Variants in RASA1 observed in about 807,000 individuals in gnomAD.
RASA1 encodes ras GTPase-activating protein 1.
In RASA1, 25 loss-of-function variants were observed where a neutral mutation model predicts 132.2. The observed-to-expected ratio is 0.19, with a 90% CI of 0.14 to 0.26. The LOEUF (loss-of-function observed/expected upper bound fraction) is 0.26. Ranked by LOEUF, RASA1 falls within the 10% of genes least tolerant of loss-of-function variation. The pLI is 1.00. For synonymous variants in RASA1, 477 were observed against 449.9 expected, an observed-to-expected ratio of 1.06 and a Z score of -0.76; for missense variants, 964 against 1,299.2, an observed-to-expected ratio of 0.74 and a Z score of 3.97.
intron 6 of RASA1, among the ~76,000 whole-genome samples, chr5:87,345,135 C>A (rs1352838976): frequency 6.6e-6 from 1 of 152,066 alleles, no homozygotes; most frequent in African/African-American, 2.4e-5. Context: ...CCAGTTCCCA[C>A]GCCTGGCCTA....
At chr5:87,286,926 C>T (rs1754597964) in intron 1 of RASA1, among the ~76,000 whole-genome samples, 1 of 148,464 alleles carries the variant, frequency 6.7e-6, no homozygotes, top group Non-Finnish European at 1.5e-5. Context: ...CATATATATA[C>T]ATACCATATA....
At position 87,338,536 on chromosome 5, in the gene RASA1, A is replaced by ATATATATATATTTT; in HGVS notation, c.1017+446_1017+447insATATATATATTTTT. Among the ~76,000 whole-genome samples the ATATATATATATTTT allele has an allele frequency of 6.8e-4, 58 of 85,192 alleles. 2 individuals are homozygous for ATATATATATATTTT. The highest frequency in any genetic ancestry group is 2.5e-3 in the East Asian group (5 of 2,024). 55.9% of individuals were successfully genotyped at this position (85,192 alleles called of 152,430 possible). A position where few individuals can be genotyped will look rare whatever the true frequency, so the allele number is the denominator to read the frequency against. On this transcript the variant is annotated intron_variant, in intron 5 of 24. Coordinates refer to ENST00000274376, the MANE Select transcript of RASA1 (RefSeq NM_002890.3). ...ATATATATATATATATATATATAAA[A>ATATATATATATTTT]TTTTTTTTTTTTTTAAGTAGAAATG...
chr5:87,388,141 A>G (rs1434454303), intron 23 of RASA1, among the ~76,000 whole-genome samples: 1 of 152,180 alleles, frequency 6.6e-6, no homozygotes, highest in Non-Finnish European at 1.5e-5. Flanking sequence ...TGTTGCTATG[A>G]TTACTTTATT....
chr5:87,335,755 G>T (rs1228538229), intron 4 of RASA1, among the ~76,000 whole-genome samples: 1 of 152,116 alleles, frequency 6.6e-6, no homozygotes, highest in Non-Finnish European at 1.5e-5. Flanking sequence ...AGTGTATAAT[G>T]TGTTAACAAC....
intron 23 of RASA1, among the ~76,000 whole-genome samples, chr5:87,387,226 T>C (rs1047500223): frequency 2.0e-5 from 3 of 152,068 alleles, no homozygotes; most frequent in Admixed American, 6.6e-5. Flanking sequence ...GTTGCCTCCT[T>C]AGCTTTTTTA....
chr5:87,351,546 C>T (rs954915622), intron 8 of RASA1, among the ~76,000 whole-genome samples: 30 of 151,674 alleles, frequency 2.0e-4, no homozygotes, highest in African/African-American at 7.3e-4. Flanking sequence ...AAATACAGAA[C>T]ACAGTGTCTC....
intron 1 of RASA1, among the ~76,000 whole-genome samples, chr5:87,310,691 ATG>A (rs989356941): frequency 4.6e-5 from 7 of 152,178 alleles, no homozygotes; most frequent in Non-Finnish European, 8.8e-5. Context: ...GTTCCAAACC[ATG>A]GGGTTCCCTG....
intron 1 of RASA1, among the ~76,000 whole-genome samples, chr5:87,327,036 T>C (rs1316553377): frequency 3.3e-5 from 5 of 152,232 alleles, no homozygotes; most frequent in African/African-American, 1.2e-4. Flanking sequence ...CAGTCCCATA[T>C]CCTTTGAGTA....
intron 1 of RASA1, among the ~76,000 whole-genome samples, chr5:87,324,822 A>C (rs181707938): frequency 6.6e-6 from 1 of 152,210 alleles, no homozygotes; most frequent in African/African-American, 2.4e-5. Flanking sequence ...GTTCAAGTGA[A>C]TTTACCAGTG....
intron 9 of RASA1, among the ~76,000 whole-genome samples, chr5:87,361,335 G>C (rs1760077181): frequency 6.6e-6 from 1 of 152,108 alleles, no homozygotes; most frequent in Admixed American, 6.6e-5. Context: ...TAATTTTGTA[G>C]CATTAACTTG....
At chr5:87,332,469 A>C (rs1757672067) in intron 2 of RASA1, 38 bp from the exon 3 acceptor site, 2 of 1,568,182 alleles carry the variant, frequency 1.3e-6, no homozygotes, top group Admixed American at 1.7e-5. Context: ...ATTGGCTGTA[A>C]AGATTTTTTT....
intron 1 of RASA1, among the ~76,000 whole-genome samples, chr5:87,274,529 A>G (rs991763242): frequency 1.3e-5 from 2 of 152,138 alleles, no homozygotes; most frequent in Non-Finnish European, 2.9e-5. Flanking sequence ...TATTTGTATA[A>G]GTAGCAGAGA....
chr5:87,288,075 C>T (rs1268141066), intron 1 of RASA1, among the ~76,000 whole-genome samples: 1 of 123,964 alleles, frequency 8.1e-6, no homozygotes, highest in South Asian at 2.7e-4. Flanking sequence ...CATATATATA[C>T]CATATATACA....
At chr5:87,382,812 G>A (rs905401296) in intron 20 of RASA1, among the ~76,000 whole-genome samples, 4 of 152,012 alleles carry the variant, frequency 2.6e-5, no homozygotes, top group African/African-American at 9.7e-5. Flanking sequence ...GGCTGGGCAT[G>A]GTGGCTCAAG....
chr5:87,379,920 C>T (rs1230466101), intron 19 of RASA1, 70 bp downstream of exon 19: 13 of 1,458,762 alleles, frequency 8.9e-6, no homozygotes, highest in African/African-American at 2.8e-5. Context: ...ATTTCTAAAA[C>T]GTGAAAGCTT....
At chr5:87,301,416 G>A (rs1755357439) in intron 1 of RASA1, among the ~76,000 whole-genome samples, 1 of 150,520 alleles carries the variant, frequency 6.6e-6, no homozygotes, top group Non-Finnish European at 1.5e-5. Context: ...ACAAGTGGGT[G>A]TACCTGTGTA....
intron 1 of RASA1, among the ~76,000 whole-genome samples, chr5:87,286,808 G>A (rs757525402): frequency 7.4e-5 from 11 of 149,216 alleles, no homozygotes; most frequent in African/African-American, 1.5e-4. Flanking sequence ...ATGCATAAAC[G>A]TATACACACA....
At chr5:87,297,256 T>C (rs1352167602) in intron 1 of RASA1, among the ~76,000 whole-genome samples, 2 of 152,218 alleles carry the variant, frequency 1.3e-5, no homozygotes, top group Non-Finnish European at 2.9e-5. Context: ...ATTCCTGACA[T>C]GTCTGTTTTT....
Position 87,369,792 on chromosome 5 carries a change from ATT to A in RASA1, c.1611-17_1611-16del, listed in dbSNP as rs754673640. ...CTACTTTTTATTAAGCTTCCTAATA[ATT>A]TTTGTTTTTATTTTAAAGGCCAAAC... On this transcript the variant is annotated intron_variant, in intron 11 of 24. Coordinates refer to ENST00000274376, the MANE Select transcript of RASA1 (RefSeq NM_002890.3). The A allele has an allele frequency of 1.3e-6, 2 of 1,570,242 alleles. No individual in the cohort carries two copies. The highest frequency in any genetic ancestry group is 2.3e-5 in the East Asian group (1 of 44,298).
Sources: allele counts gnomAD v4.1 joint callset (sites outside exome capture counted in the v4.1 genomes callset), GRCh38; gene constraint gnomAD v4.1.1; transcripts MANE v1.5; gene names NCBI Gene and HGNC (gene_info 2026-07-23, HGNC 2026-07-21).